Variants in ARHGEF11 observed in about 807,000 individuals in gnomAD.
The protein encoded by ARHGEF11 is Rho guanine exchange factor (GEF) 11.
In ARHGEF11, 55 loss-of-function variants were observed where a neutral mutation model predicts 193.7. That is an observed-to-expected ratio of 0.28 (90% CI 0.23 to 0.36). ARHGEF11 has a LOEUF of 0.36. Ranked by LOEUF, ARHGEF11 falls within the 10% of genes least tolerant of loss-of-function variation. The probability of loss-of-function intolerance (pLI) is 1.00; values close to 1 mark genes in which losing one functional copy is unlikely to be tolerated. For synonymous variants in ARHGEF11, 693 were observed against 768.0 expected (o/e 0.90, Z 1.62); for missense variants, 1,723 against 2,005.6 (o/e 0.86, Z 2.69).
chr1:157,013,296 CA>C (rs1668789538), intron 1 of ARHGEF11, among the ~76,000 whole-genome samples: 2 of 150,586 alleles, frequency 1.3e-5, no homozygotes, highest in Non-Finnish European at 3.0e-5. Context: ...CACACACACA[CA>C]CACCAAGAAC....
intron 1 of ARHGEF11, among the ~76,000 whole-genome samples, chr1:156,988,105 G>T (rs535126683): frequency 6.6e-6 from 1 of 152,298 alleles, no homozygotes; most frequent in South Asian, 2.1e-4. Context: ...GATGCCCGGG[G>T]AAGTGCCCTT....
intron 1 of ARHGEF11, among the ~76,000 whole-genome samples, chr1:157,042,397 C>A (rs1388273129): frequency 6.6e-6 from 1 of 152,072 alleles, no homozygotes; most frequent in Non-Finnish European, 1.5e-5. Flanking sequence ...AGTACAGAAG[C>A]CTAGTTAGAC....
chr1:157,038,029 C>CAAAAAAAAA (rs145416871), intron 1 of ARHGEF11, among the ~76,000 whole-genome samples: 11 of 45,518 alleles, frequency 2.4e-4, no homozygotes, highest in African/African-American at 1.0e-3. Context: ...AAGACTGTCT[C>CAAAAAAAAA]AAAAAAAAAA....
chr1:157,039,321 C>T (rs1343796057), intron 1 of ARHGEF11, among the ~76,000 whole-genome samples: 2 of 152,188 alleles, frequency 1.3e-5, no homozygotes, highest in East Asian at 1.9e-4. Flanking sequence ...TAGCCTAATT[C>T]CCTCATTTTT....
intron 1 of ARHGEF11, among the ~76,000 whole-genome samples, chr1:156,995,141 C>T (rs1666298845): frequency 6.6e-6 from 1 of 152,232 alleles, no homozygotes; most frequent in South Asian, 2.1e-4. Flanking sequence ...CATCATCTCT[C>T]ACCTAGAAGA....
At chr1:156,964,790 AC>A (rs1661468847) in intron 11 of ARHGEF11, among the ~76,000 whole-genome samples, 1 of 152,082 alleles carries the variant, frequency 6.6e-6, no homozygotes, top group South Asian at 2.1e-4. Flanking sequence ...CCTCTCCGAA[AC>A]ACCCTACTCT....
rs564373729 is a variant in ARHGEF11, at chr1:157,022,969, G to T, written c.32+21330C>A. Among the ~76,000 whole-genome samples the T allele has an allele frequency of 1.2e-4, 18 of 152,234 alleles. No individual in the cohort carries two copies. In the East Asian group the frequency reaches 3.3e-3, roughly 28 times the overall value. On this transcript the variant is annotated intron_variant, in intron 1 of 40. Transcript: ENST00000368194. Reference sequence around the variant, plus strand: ...ATCCATAAGCAAAAGTACGAAGTTGGACCCCTACCTCATACCATACATAAA... The same window carrying T: ...ATCCATAAGCAAAAGTACGAAGTTGTACCCCTACCTCATACCATACATAAA...
intron 1 of ARHGEF11, among the ~76,000 whole-genome samples, chr1:157,022,101 G>A (rs1670052109): frequency 6.6e-6 from 1 of 152,158 alleles, no homozygotes; most frequent in African/African-American, 2.4e-5. Flanking sequence ...GTGAAAAACT[G>A]AATGCTTTCT....
At chr1:156,995,269 G>T (rs2102601108) in intron 1 of ARHGEF11, among the ~76,000 whole-genome samples, 1 of 152,300 alleles carries the variant, frequency 6.6e-6, no homozygotes, top group Admixed American at 6.5e-5. Flanking sequence ...CTTGCATGAA[G>T]TTCCAAATCC....
At chr1:156,965,773 C>T (rs1200644803) in intron 11 of ARHGEF11, among the ~76,000 whole-genome samples, 2 of 152,110 alleles carry the variant, frequency 1.3e-5, no homozygotes, top group Non-Finnish European at 2.9e-5. Context: ...TCTTTTGATG[C>T]CTGCATAACT....
Position 156,968,088 on chromosome 1 carries a change from C to G in ARHGEF11, c.862G>C (p.Gly288Arg). 6.2e-7 allele frequency: 1 copy of G among 1,613,576 alleles called. No individual in the cohort carries two copies. The highest frequency in any genetic ancestry group is 8.5e-7 in the Non-Finnish European group (1 of 1,179,578). The change falls in exon 11 of 41, where the codon GGG becomes CGG. Residue 288 changes from glycine (G) to arginine (R), a missense_variant. Physicochemically the swap from Gly to Arg is moderately radical, Grantham distance 125 (BLOSUM62 -2). Around this residue, in one of 5 missense-constraint regions of ARHGEF11, gnomAD observed 646 missense variants for 710.7 expected, o/e 0.91. Transcript: ENST00000368194. Reference protein sequence around the residue: ...MNRNSVLSDPGLDSPRTSPVI... With the variant: ...MNRNSVLSDPRLDSPRTSPVI... ...GGGGAGGTTCGAGGACTGTCTAGCC[C>G]AGGGTCTGACAGTACCGAGTTCCGA...
intron 37 of ARHGEF11, chr1:156,939,097 G>A: frequency 4.7e-6 from 1 of 212,994 alleles, no homozygotes; most frequent in Non-Finnish European, 9.3e-6. Context: ...AGTCCCAGCT[G>A]CCACCTCTAC....
At chr1:156,952,728 G>T (rs963389977) in intron 21 of ARHGEF11, among the ~76,000 whole-genome samples, 1 of 152,262 alleles carries the variant, frequency 6.6e-6, no homozygotes, top group African/African-American at 2.4e-5. Flanking sequence ...ACAGCCTTTA[G>T]GCAAGTGGCT....
At position 156,936,497 on chromosome 1, in the gene ARHGEF11, A is replaced by AATATATATAT. The variant is rs1553192804; in HGVS notation, c.4630+309_4630+318dup. On this transcript the variant is annotated intron_variant, in intron 40 of 40. Coordinates refer to ENST00000368194, the MANE Select transcript of ARHGEF11 (RefSeq NM_198236.3). Reference sequence around the variant, plus strand: ...AATAAATAGAAAAAAAAAAAAAAAAAATATATATATATATATATATATATA... The same window carrying AATATATATAT: ...AATAAATAGAAAAAAAAAAAAAAAAAATATATATATATATATATATATATATATATATATA... Among the ~76,000 whole-genome samples the AATATATATAT allele has an allele frequency of 5.1e-3, 172 of 33,880 alleles. 1 individual carries two copies. Among genetic ancestry groups the AATATATATAT allele is most frequent in the East Asian group, 0.015 (7 of 452 alleles). The allele number at this position is 33,880 out of a possible 152,430, so 22.2% of individuals were successfully genotyped here.
intron 30 of ARHGEF11, among the ~76,000 whole-genome samples, chr1:156,944,677 G>A (rs1433466035): frequency 2.6e-5 from 4 of 152,170 alleles, no homozygotes; most frequent in East Asian, 1.9e-4. Context: ...CCCCTACCAC[G>A]TGCCAGCTAC....
chr1:156,937,123 TG>T, intron 39 of ARHGEF11, 118 bp from the exon 40 acceptor site: 1 of 1,566,254 alleles, frequency 6.4e-7, no homozygotes. Flanking sequence ...CTGGGCGGGC[TG>T]GGGGAAGATC....
intron 30 of ARHGEF11, 142 bp downstream of exon 30, chr1:156,944,873 GGTGT>G (rs1208167042): frequency 2.8e-6 from 3 of 1,086,174 alleles, no homozygotes; most frequent in Non-Finnish European, 2.6e-6. Flanking sequence ...ACAATAGCAG[GGTGT>G]GTGTCTTCTG....
intron 1 of ARHGEF11, among the ~76,000 whole-genome samples, chr1:157,037,129 AAAATAAATAAAT>A (rs754069793): frequency 6.6e-6 from 1 of 152,034 alleles, no homozygotes; most frequent in African/African-American, 2.4e-5. Flanking sequence ...ACTCTGTCTC[AAAATAAATAAAT>A]AAATAAATAA....
chr1:156,995,019 C>T (rs936303889), intron 1 of ARHGEF11, among the ~76,000 whole-genome samples: 2 of 152,170 alleles, frequency 1.3e-5, no homozygotes, highest in Admixed American at 1.3e-4. Flanking sequence ...TCTTTGACAT[C>T]TCTCTGCAAA....
Sources: gnomAD v4.1 joint callset for allele counts (sites outside exome capture counted in the v4.1 genomes callset) on GRCh38, gnomAD v4.1.1 for gene constraint, gnomAD v4.1.1 regional missense constraint, MANE v1.5 for transcripts, NCBI Gene and HGNC (gene_info 2026-07-23, HGNC 2026-07-21) for gene names.